Variants in CAST observed in about 807,000 individuals in gnomAD.
CAST encodes calpastatin.
A neutral mutation model predicts 119.6 loss-of-function variants in CAST; 76 were observed. That is an observed-to-expected ratio of 0.64 (90% CI 0.53 to 0.77). The LOEUF is 0.77. Among genes scored for constraint, CAST ranks in the 30% least tolerant of loss-of-function variants. The pLI, the probability that CAST is intolerant of heterozygous loss-of-function variation, is 0.00. For missense variants in CAST, 953 were observed against 946.5 expected (o/e 1.01, Z -0.09); for synonymous variants, 319 against 331.6 (o/e 0.96, Z 0.41).
chr5:96,143,255 A>G, the CAST span, among the ~76,000 whole-genome samples: 2 of 152,192 alleles, frequency 1.3e-5, no homozygotes, highest in Non-Finnish European at 2.9e-5. Context: ...TTTCTCTTGT[A>G]AAAACAGGAA....
the CAST span, among the ~76,000 whole-genome samples, chr5:96,196,203 T>C: frequency 6.6e-6 from 1 of 152,232 alleles, no homozygotes; most frequent in Non-Finnish European, 1.5e-5. Context: ...CAATTGAATA[T>C]CTAGATCATT....
chr5:96,771,550 A>G, intron 30 of CAST, 94 bp from the exon 31 acceptor site: 1 of 835,348 alleles, frequency 1.2e-6, no homozygotes, highest in East Asian at 2.6e-5. Context: ...TTCCCCACTG[A>G]CTGCCATCTT....
chr5:96,630,239 G>A (rs1747798535), intron 1 of CAST, among the ~76,000 whole-genome samples: 1 of 152,218 alleles, frequency 6.6e-6, no homozygotes, highest in Non-Finnish European at 1.5e-5. Context: ...ACAGAATGCA[G>A]TGACGGAAAA....
chr5:96,262,521 TTTG>T, the CAST span, among the ~76,000 whole-genome samples: 24 of 152,034 alleles, frequency 1.6e-4, no homozygotes, highest in Non-Finnish European at 1.3e-4. Context: ...AGCTTCTTTT[TTTG>T]TTGTTTTGTT....
the CAST span, among the ~76,000 whole-genome samples, chr5:96,433,613 G>T: frequency 1.3e-5 from 2 of 152,232 alleles, no homozygotes; most frequent in Admixed American, 1.3e-4. Context: ...GGGAGGGGGG[G>T]AGGCTATAGG....
chr5:96,148,702 G>A, the CAST span, among the ~76,000 whole-genome samples: 2 of 152,210 alleles, frequency 1.3e-5, no homozygotes, highest in African/African-American at 4.8e-5. Context: ...ATATGCTAGA[G>A]CAATAGAATG....
chr5:96,355,820 G>C, the CAST span, among the ~76,000 whole-genome samples: 8 of 152,176 alleles, frequency 5.3e-5, no homozygotes, highest in African/African-American at 1.9e-4. Context: ...TCCTGACCCA[G>C]CCTCCCGAGT....
At chr5:96,573,284 GT>G (rs367571543) in intron 1 of CAST, among the ~76,000 whole-genome samples, 6,163 of 151,598 alleles carry the variant, frequency 0.041, 189 homozygotes, top group African/African-American at 0.086. Flanking sequence ...ATTTTTTCTT[GT>G]TTTTTTTGTT....
chr5:96,237,253 G>A, the CAST span, among the ~76,000 whole-genome samples: 1 of 152,148 alleles, frequency 6.6e-6, no homozygotes, highest in African/African-American at 2.4e-5. Context: ...TATGGCCTGA[G>A]AGGAGGGTTC....
the CAST span, among the ~76,000 whole-genome samples, chr5:96,105,596 T>C: frequency 6.6e-6 from 1 of 152,196 alleles, no homozygotes; most frequent in South Asian, 2.1e-4. Context: ...CACTTGATCA[T>C]GGTGGATAAG....
chr5:96,383,275 G>C, the CAST span, among the ~76,000 whole-genome samples: 24 of 152,268 alleles, frequency 1.6e-4, no homozygotes, highest in Non-Finnish European at 3.1e-4. Flanking sequence ...ATTTCTAGCA[G>C]AATACCATGT....
the CAST span, among the ~76,000 whole-genome samples, chr5:96,116,455 G>A: frequency 6.6e-6 from 1 of 152,072 alleles, no homozygotes; most frequent in African/African-American, 2.4e-5. Context: ...CATTTCTCTT[G>A]GGTAAATACC....
intron 1 of CAST, among the ~76,000 whole-genome samples, chr5:96,538,915 A>G (rs6889388): frequency 0.61 from 92,264 of 151,318 alleles, 28,452 homozygotes; most frequent in East Asian, 0.86. Flanking sequence ...TTCTGCTGCT[A>G]TCAGGTCACC....
chr5:96,663,087 G>GC, intron 1 of CAST: 1 of 702,136 alleles, frequency 1.4e-6, no homozygotes, highest in Non-Finnish European at 2.6e-6. Flanking sequence ...AACACCCCGC[G>GC]CCCTCGCCGG....
At chr5:96,581,816 A>G (rs947980333) in intron 1 of CAST, among the ~76,000 whole-genome samples, 2 of 152,084 alleles carry the variant, frequency 1.3e-5, no homozygotes, top group East Asian at 3.9e-4. Context: ...GTGTGAACCC[A>G]GGAGGCGGAG....
chr5:96,070,301 T>C, the CAST span, among the ~76,000 whole-genome samples: 4 of 152,212 alleles, frequency 2.6e-5, no homozygotes, highest in African/African-American at 9.6e-5. Context: ...TGTTTATTTA[T>C]GTAAGCATCT....
At chr5:95,971,952 T>TTTTA in the CAST span, among the ~76,000 whole-genome samples, 10 of 150,560 alleles carry the variant, frequency 6.6e-5, no homozygotes, top group Non-Finnish European at 1.2e-4. Flanking sequence ...TGTTTATTTC[T>TTTTA]TTTATTTCTT....
the CAST span, among the ~76,000 whole-genome samples, chr5:96,456,853 T>G: frequency 3.3e-5 from 5 of 152,222 alleles, no homozygotes; most frequent in Non-Finnish European, 5.9e-5. Context: ...CCTGTTCTCA[T>G]GATAGTGAGT....
the CAST span, among the ~76,000 whole-genome samples, chr5:96,137,325 C>G: frequency 1.3e-5 from 2 of 152,108 alleles, no homozygotes; most frequent in African/African-American, 4.8e-5. Context: ...TAATACATGT[C>G]TTTTCATGGG....
Sources: gnomAD v4.1 joint callset for allele counts (sites outside exome capture counted in the v4.1 genomes callset) on GRCh38, gnomAD v4.1.1 for gene constraint, MANE v1.5 for transcripts, NCBI Gene and HGNC (gene_info 2026-07-23, HGNC 2026-07-21) for gene names.